ADAM2: variants seen among roughly 807,000 people sequenced by gnomAD.
ADAM2 encodes ADAM metallopeptidase domain 2.
Under a neutral mutation model 99.3 loss-of-function variants are expected in ADAM2, and 101 were observed. The ratio of observed to expected loss-of-function variants is 1.02; its 90% CI spans 0.87 to 1.20. The LOEUF (loss-of-function observed/expected upper bound fraction) is 1.20. Ranked by LOEUF, ADAM2 falls within the 50% of genes most tolerant of loss-of-function variation. The probability of loss-of-function intolerance (pLI) is 0.00; values close to 1 mark genes in which losing one functional copy is unlikely to be tolerated. For missense variants in ADAM2, 948 were observed against 878.7 expected, an observed-to-expected ratio of 1.08 and a Z score of -1.00; for synonymous variants, 323 against 287.6, an observed-to-expected ratio of 1.12 and a Z score of -1.25.
intron 18 of ADAM2, 68 bp downstream of exon 18, chr8:39,749,244 A>G: frequency 1.4e-6 from 2 of 1,381,826 alleles, no homozygotes; most frequent in Non-Finnish European, 2.0e-6. Context: ...ACAAAATATT[A>G]TTTGTTATCC....
chr8:39,809,403 T>A lies in ADAM2; in HGVS notation c.570+7A>T. On this transcript the variant is annotated splice_region_variant and intron_variant, in intron 7 of 20. Coordinates refer to ENST00000265708, the MANE Select transcript of ADAM2 (RefSeq NM_001464.5). ...TAAGGGACATAAATAAATCAGAATA[T>A]ACTTACCAATTGTTTTTCAACTATA... 8.9e-7 allele frequency: 1 copy of A among 1,119,738 alleles called. No individual in the cohort carries two copies. Among genetic ancestry groups the A allele is most frequent in the Non-Finnish European group, 1.3e-6 (1 of 744,630 alleles). The allele number at this position is 1,119,738 out of a possible 1,614,324, so 69.4% of individuals were successfully genotyped here. A position where few individuals can be genotyped will look rare whatever the true frequency, so the allele number is the denominator to read the frequency against.
At chr8:39,773,062 A>T (rs1376752360) in intron 11 of ADAM2, among the ~76,000 whole-genome samples, 1 of 151,926 alleles carries the variant, frequency 6.6e-6, no homozygotes, top group African/African-American at 2.4e-5. Context: ...AATAAGTCTC[A>T]TGAAATTCAA....
At chr8:39,814,727 A>G (rs1264886762) in intron 6 of ADAM2, among the ~76,000 whole-genome samples, 1 of 151,960 alleles carries the variant, frequency 6.6e-6, no homozygotes. Flanking sequence ...GTGTGTTTCA[A>G]TCGAACAACC....
chr8:39,817,619 T>G (rs959363700), intron 6 of ADAM2, among the ~76,000 whole-genome samples: 6 of 152,150 alleles, frequency 3.9e-5, no homozygotes, highest in African/African-American at 1.4e-4. Context: ...GATTATTATC[T>G]GTCAGTTAAA....
At chr8:39,834,361 G>A (rs1364548964) in intron 2 of ADAM2, among the ~76,000 whole-genome samples, 2 of 152,064 alleles carry the variant, frequency 1.3e-5, no homozygotes, top group African/African-American at 4.8e-5. Flanking sequence ...ACTTCCTTCT[G>A]ATTTTGGATG....
chr8:39,760,590 A>G (rs979029194), intron 15 of ADAM2, among the ~76,000 whole-genome samples: 4 of 152,022 alleles, frequency 2.6e-5, no homozygotes, highest in Non-Finnish European at 4.4e-5. Flanking sequence ...GCGTGGTGGC[A>G]GGCGCCTGCA....
chr8:39,803,077 G>C (rs994586539), intron 7 of ADAM2, among the ~76,000 whole-genome samples: 1 of 152,124 alleles, frequency 6.6e-6, no homozygotes, highest in African/African-American at 2.4e-5. Flanking sequence ...GAACAAGATT[G>C]AGAGCAACAG....
intron 14 of ADAM2, among the ~76,000 whole-genome samples, chr8:39,761,865 A>G (rs1802382960): frequency 1.3e-5 from 2 of 152,102 alleles, no homozygotes; most frequent in Non-Finnish European, 2.9e-5. Context: ...GCGGATCACG[A>G]GTTAAGGAGA....
intron 7 of ADAM2, among the ~76,000 whole-genome samples, chr8:39,805,327 T>C (rs970134587): frequency 6.6e-6 from 1 of 152,188 alleles, no homozygotes; most frequent in Non-Finnish European, 1.5e-5. Context: ...AAGGTGACTA[T>C]GACAAGGAGT....
At chr8:39,756,882 G>A (rs1207177431) in intron 15 of ADAM2, among the ~76,000 whole-genome samples, 1 of 152,174 alleles carries the variant, frequency 6.6e-6, no homozygotes, top group East Asian at 1.9e-4. Flanking sequence ...AAATAAGCAA[G>A]CTCACTTCAT....
chr8:39,767,820 C>T (rs972819476), intron 12 of ADAM2, among the ~76,000 whole-genome samples: 1 of 151,704 alleles, frequency 6.6e-6, no homozygotes, highest in Non-Finnish European at 1.5e-5. Flanking sequence ...CATCTATGCC[C>T]AGTGAATATG....
intron 3 of ADAM2, 140 bp from the exon 4 acceptor site, chr8:39,825,037 G>C (rs1370214466): frequency 1.7e-6 from 1 of 596,170 alleles, no homozygotes; most frequent in Non-Finnish European, 3.0e-6. Context: ...TATGGATTTT[G>C]TTCTAAATTT....
chr8:39,819,551 T>G (rs925280486), intron 6 of ADAM2, among the ~76,000 whole-genome samples: 1 of 152,112 alleles, frequency 6.6e-6, no homozygotes, highest in Non-Finnish European at 1.5e-5. Context: ...AAAATTAACA[T>G]TTAAGTTGGT....
chr8:39,794,726 C>T (rs949284414), intron 7 of ADAM2, among the ~76,000 whole-genome samples: 1 of 152,032 alleles, frequency 6.6e-6, no homozygotes, highest in African/African-American at 2.4e-5. Flanking sequence ...AATCATGACC[C>T]TCTCATGCAC....
intron 3 of ADAM2, among the ~76,000 whole-genome samples, chr8:39,828,785 A>T (rs1417942781): frequency 6.6e-6 from 1 of 151,910 alleles, no homozygotes; most frequent in African/African-American, 2.4e-5. Context: ...AGATTACATT[A>T]CAGTGCAGTG....
At chr8:39,786,180 T>C (rs959662244) in intron 10 of ADAM2, among the ~76,000 whole-genome samples, 3 of 152,148 alleles carry the variant, frequency 2.0e-5, no homozygotes, top group Non-Finnish European at 4.4e-5. Context: ...GTTGAAAAAC[T>C]AACTAGTGGG....
chr8:39,829,482 T>C (rs1321286402), intron 3 of ADAM2, among the ~76,000 whole-genome samples: 1 of 151,938 alleles, frequency 6.6e-6, no homozygotes, highest in African/African-American at 2.4e-5. Context: ...GTTAGAGAAA[T>C]ACATATCAAA....
intron 15 of ADAM2, among the ~76,000 whole-genome samples, chr8:39,760,882 C>CAAAAAAAAAAAAAAAAAAAAAAAAAAAAA (rs58386097): frequency 1.7e-5 from 1 of 60,184 alleles, no homozygotes; most frequent in African/African-American, 6.7e-5. Flanking sequence ...GACTCCATCT[C>CAAAAAAAAAAAAAAAAAAAAAAAAAAAAA]AAAAAAAAAA....
chr8:39,815,465 G>A (rs907338716), intron 6 of ADAM2, among the ~76,000 whole-genome samples: 11 of 152,098 alleles, frequency 7.2e-5, no homozygotes, highest in East Asian at 1.9e-4. Flanking sequence ...GATAAAATGA[G>A]GCTAGCAAAT....
Sources: gnomAD v4.1 joint callset for allele counts (sites outside exome capture counted in the v4.1 genomes callset) on GRCh38, gnomAD v4.1.1 for gene constraint, MANE v1.5 for transcripts, NCBI Gene and HGNC (gene_info 2026-07-23, HGNC 2026-07-21) for gene names.